Variants in DAB1 observed in about 807,000 individuals in gnomAD.
DAB1 encodes the protein DAB adaptor protein 1, also known as disabled homolog 1.
DAB1 carries 15 observed loss-of-function variants against 64.6 expected under a neutral mutation model. The observed-to-expected ratio is 0.23, with a 90% CI of 0.16 to 0.36. The LOEUF is 0.36. Ranked by LOEUF, DAB1 falls within the 10% of genes least tolerant of loss-of-function variation. The pLI, the probability that DAB1 is intolerant of heterozygous loss-of-function variation, is 1.00. For synonymous variants in DAB1, 235 were observed against 251.9 expected, an observed-to-expected ratio of 0.93 and a Z score of 0.64; for missense variants, 596 against 706.7, an observed-to-expected ratio of 0.84 and a Z score of 1.78.
At chr1:57,740,438 A>G (rs1225229288) in intron 6 of DAB1, among the ~76,000 whole-genome samples, 1 of 152,206 alleles carries the variant, frequency 6.6e-6, no homozygotes, top group African/African-American at 2.4e-5. Flanking sequence ...AATACAGCCC[A>G]CATCCGAGTA....
intron 4 of DAB1, among the ~76,000 whole-genome samples, chr1:58,226,923 G>A (rs1659528288): frequency 6.6e-6 from 1 of 152,124 alleles, no homozygotes; most frequent in African/African-American, 2.4e-5. Context: ...AGTGTTTATT[G>A]AGAATATTTA....
intron 3 of DAB1, among the ~76,000 whole-genome samples, chr1:58,437,513 C>T (rs891503321): frequency 2.0e-5 from 3 of 152,132 alleles, no homozygotes; most frequent in African/African-American, 4.8e-5. Context: ...CATCCCCCAC[C>T]CTCTGTACCC....
At chr1:57,044,313 G>A (rs577452297) in intron 9 of DAB1, among the ~76,000 whole-genome samples, 3 of 152,328 alleles carry the variant, frequency 2.0e-5, no homozygotes, top group Admixed American at 2.0e-4. Flanking sequence ...CTCAGTGCTT[G>A]ACACACAGTG....
At chr1:57,475,152 C>T (rs1284246017) in intron 7 of DAB1, among the ~76,000 whole-genome samples, 1 of 152,166 alleles carries the variant, frequency 6.6e-6, no homozygotes, top group Non-Finnish European at 1.5e-5. Flanking sequence ...TGGTGCCCAC[C>T]TGTAATCCCA....
chr1:57,325,222 T>G (rs1192422168), intron 1 of DAB1, among the ~76,000 whole-genome samples: 1 of 152,212 alleles, frequency 6.6e-6, no homozygotes, highest in African/African-American at 2.4e-5. Flanking sequence ...TCCCATTCCC[T>G]TGGCACATCT....
At chr1:58,538,996 C>T in intron 1 of DAB1, 1 of 872,842 alleles carries the variant, frequency 1.1e-6, no homozygotes, top group Non-Finnish European at 2.0e-6. Flanking sequence ...AGCATCATTC[C>T]ATACAGTACA....
At position 56,997,700 on chromosome 1, in the gene DAB1, G is replaced by A. The variant is rs1297412865; in HGVS notation, c.*444C>T. 1 of 152,194 alleles carries A rather than the reference G, an allele frequency of 6.6e-6. No individual in the cohort carries two copies. The highest frequency in any genetic ancestry group is 1.5e-5 in the Non-Finnish European group (1 of 68,046). 9.4% of individuals were successfully genotyped at this position (152,194 alleles called of 1,614,324 possible). ...CCTTTGCTTTTGCTTAAAGAAGTCA[G>A]TTCCAACCCTGTTGTAATCCTCTGA... is the stretch of plus-strand genomic sequence containing the variant. On this transcript the variant is annotated 3_prime_UTR_variant, in exon 15 of 15. Transcript: ENST00000371236.
chr1:57,873,251 CA>C (rs1435019068), intron 1 of DAB1, among the ~76,000 whole-genome samples: 1 of 152,050 alleles, frequency 6.6e-6, no homozygotes, highest in African/African-American at 2.4e-5. Context: ...ACTGAGATAT[CA>C]ATATTTATAT....
intron 1 of DAB1, among the ~76,000 whole-genome samples, chr1:57,832,124 T>G (rs1213618286): frequency 1.3e-5 from 2 of 152,172 alleles, no homozygotes; most frequent in East Asian, 3.9e-4. Flanking sequence ...TAAGATCAAC[T>G]GTGATCTGAG....
chr1:58,430,701 T>C (rs186094865), intron 3 of DAB1, among the ~76,000 whole-genome samples: 20 of 152,298 alleles, frequency 1.3e-4, no homozygotes, highest in Middle Eastern at 3.4e-3. Context: ...GACAAGACAA[T>C]GCAATAAGGA....
intron 3 of DAB1, among the ~76,000 whole-genome samples, chr1:58,449,474 A>T (rs1645108908): frequency 6.6e-6 from 1 of 152,212 alleles, no homozygotes; most frequent in Non-Finnish European, 1.5e-5. Flanking sequence ...AGGATGGGTG[A>T]GAATAGGATA....
At chr1:57,227,418 T>C (rs1667348523) in intron 2 of DAB1, among the ~76,000 whole-genome samples, 1 of 152,000 alleles carries the variant, frequency 6.6e-6, no homozygotes, top group Non-Finnish European at 1.5e-5. Flanking sequence ...AAATAGATAA[T>C]GTCCATGTGT....
At chr1:57,078,131 GC>G (rs1204497084) in intron 4 of DAB1, among the ~76,000 whole-genome samples, 1 of 152,136 alleles carries the variant, frequency 6.6e-6, no homozygotes, top group Admixed American at 6.5e-5. Flanking sequence ...CTCTGCACCA[GC>G]CCCCAGGCAA....
intron 3 of DAB1, among the ~76,000 whole-genome samples, chr1:58,445,082 C>G (rs1218638680): frequency 1.3e-5 from 2 of 152,158 alleles, no homozygotes; most frequent in Admixed American, 1.3e-4. Flanking sequence ...GGATTGCCCA[C>G]GATGTGGGAC....
chr1:57,749,214 T>C (rs954530926), intron 6 of DAB1, among the ~76,000 whole-genome samples: 1 of 152,212 alleles, frequency 6.6e-6, no homozygotes, highest in Non-Finnish European at 1.5e-5. Flanking sequence ...AGCTTGGCAC[T>C]TGATATCCTG....
intron 1 of DAB1, among the ~76,000 whole-genome samples, chr1:57,389,026 C>T (rs1376812517): frequency 6.6e-6 from 1 of 152,218 alleles, no homozygotes; most frequent in African/African-American, 2.4e-5. Context: ...TTCTCTTTCA[C>T]ACCACAAAAG....
intron 5 of DAB1, among the ~76,000 whole-genome samples, chr1:58,106,194 T>A (rs966691727): frequency 7.3e-5 from 11 of 151,698 alleles, no homozygotes; most frequent in African/African-American, 2.7e-4. Flanking sequence ...CTCTCTTTCA[T>A]AGAAACTGAG....
chr1:57,569,244 G>A (rs1299614050), intron 7 of DAB1, among the ~76,000 whole-genome samples: 5 of 89,718 alleles, frequency 5.6e-5, no homozygotes, highest in Non-Finnish European at 8.2e-5. Flanking sequence ...GGGCGACAGC[G>A]AGACTCCGTC....
intron 4 of DAB1, among the ~76,000 whole-genome samples, chr1:58,172,814 G>A (rs911440580): frequency 2.6e-5 from 4 of 152,232 alleles, no homozygotes; most frequent in Admixed American, 2.0e-4. Context: ...AGTTGCCCGA[G>A]CCTTAGAACT....
Sources: gnomAD v4.1 joint callset for allele counts (sites outside exome capture counted in the v4.1 genomes callset) on GRCh38, gnomAD v4.1.1 for gene constraint, MANE v1.5 for transcripts, NCBI Gene and HGNC (gene_info 2026-07-23, HGNC 2026-07-21) for gene names.